LRRC7: variants seen among roughly 807,000 people sequenced by gnomAD.
LRRC7 encodes the protein leucine rich repeat containing 7, also known as leucine-rich repeat-containing protein 7.
Under a neutral mutation model 175.7 loss-of-function variants are expected in LRRC7, and 23 were observed. The observed-to-expected ratio is 0.13, with a 90% CI of 0.09 to 0.19. LRRC7 has a LOEUF of 0.19. Among genes scored for constraint, LRRC7 ranks in the 10% least tolerant of loss-of-function variants. LRRC7 has a pLI of 1.00. For missense variants in LRRC7, 1,354 were observed against 1,904.7 expected, an observed-to-expected ratio of 0.71 and a Z score of 5.38; for synonymous variants, 685 against 680.9, an observed-to-expected ratio of 1.01 and a Z score of -0.09.
At chr1:69,610,778 C>T (rs1435092689) in intron 1 of LRRC7, among the ~76,000 whole-genome samples, 7 of 151,716 alleles carry the variant, frequency 4.6e-5, no homozygotes, top group Non-Finnish European at 1.0e-4. Context: ...AAATATTTCA[C>T]AAACATAAGA....
chr1:69,731,350 C>T (rs1438004782), intron 2 of LRRC7, among the ~76,000 whole-genome samples: 1 of 152,032 alleles, frequency 6.6e-6, no homozygotes, highest in East Asian at 1.9e-4. Context: ...AGAACAGCAG[C>T]ATGTGGGTAA....
rs551726376 is a variant in LRRC7 at position 69,687,520 on chromosome 1, CA to C, written c.100+9060del. Reference sequence around the variant, plus strand: ...GCAAGACTCCATCTCAAGAAAAAACCAAAAAAAAAAAAAAAAAAGAAAAAAG... The same window carrying C: ...GCAAGACTCCATCTCAAGAAAAAACCAAAAAAAAAAAAAAAAAGAAAAAAG... On this transcript the variant is annotated intron_variant, in intron 2 of 26. Coordinates refer to ENST00000651989, the MANE Select transcript of LRRC7 (RefSeq NM_001370785.2). 2.1e-3 allele frequency among the ~76,000 whole-genome samples: 201 copies of C among 96,886 alleles called. 1 individual carries two copies. The highest frequency in any genetic ancestry group is 2.6e-3 in the Admixed American group (20 of 7,804). The allele number at this position is 96,886 out of a possible 152,430, so 63.6% of individuals were successfully genotyped here.
At chr1:69,891,907 T>C (rs1191287687) in intron 7 of LRRC7, among the ~76,000 whole-genome samples, 1 of 151,918 alleles carries the variant, frequency 6.6e-6, no homozygotes, top group Admixed American at 6.6e-5. Flanking sequence ...GTGTAAAAAA[T>C]GAAATACCTG....
chr1:69,852,564 C>T (rs1004700800), intron 7 of LRRC7, among the ~76,000 whole-genome samples: 6 of 152,240 alleles, frequency 3.9e-5, no homozygotes, highest in Non-Finnish European at 8.8e-5. Flanking sequence ...CTATCCTTGG[C>T]AAGAGTTCAC....
At chr1:69,903,749 A>G (rs575202619) in intron 7 of LRRC7, among the ~76,000 whole-genome samples, 2 of 152,292 alleles carry the variant, frequency 1.3e-5, no homozygotes, top group East Asian at 3.9e-4. Context: ...AACAAAATAG[A>G]TCACTAGCCA....
intron 1 of LRRC7, among the ~76,000 whole-genome samples, chr1:69,636,023 A>G (rs1298576541): frequency 6.6e-6 from 1 of 152,052 alleles, no homozygotes; most frequent in Non-Finnish European, 1.5e-5. Flanking sequence ...TAGGTAAAAT[A>G]TTAAATTGAA....
intron 11 of LRRC7, among the ~76,000 whole-genome samples, chr1:70,011,379 C>T (rs1295263203): frequency 1.3e-5 from 2 of 151,720 alleles, no homozygotes; most frequent in Admixed American, 6.6e-5. Context: ...AAATACCTAA[C>T]ATTTTATCAA....
Position 69,691,214 on chromosome 1 carries a change from TC to T in LRRC7, c.100+12741del, listed in dbSNP as rs537376973. ...TTGGTTTATTTTTGTTTCTTGTTTCTCCCCCTCCCTTCTTACCTGAATAATT... is the reference window on the plus strand; with the variant it reads ...TTGGTTTATTTTTGTTTCTTGTTTCTCCCCTCCCTTCTTACCTGAATAATT... On this transcript the variant is annotated intron_variant, in intron 2 of 26. Coordinates refer to ENST00000651989, the MANE Select transcript of LRRC7 (RefSeq NM_001370785.2). Among the ~76,000 whole-genome samples, 37 of 152,206 alleles carry T rather than the reference TC, an allele frequency of 2.4e-4. No individual in the cohort carries two copies. In the South Asian group the frequency reaches 2.9e-3, roughly 12 times the overall value.
intron 14 of LRRC7, 40 bp downstream of exon 14, chr1:70,016,574 C>T (rs763879030): frequency 1.1e-5 from 16 of 1,451,310 alleles, no homozygotes; most frequent in African/African-American, 4.3e-5. Flanking sequence ...TTAAGATGAA[C>T]TATAATTGAA....
intron 26 of LRRC7, among the ~76,000 whole-genome samples, chr1:70,113,896 A>C (rs1169382257): frequency 6.6e-6 from 1 of 152,194 alleles, no homozygotes; most frequent in Non-Finnish European, 1.5e-5. Flanking sequence ...AGCATCAATT[A>C]ACCACTTCCA....
At chr1:69,790,420 G>T (rs1569888436) in intron 3 of LRRC7, among the ~76,000 whole-genome samples, 1 of 151,906 alleles carries the variant, frequency 6.6e-6, no homozygotes, top group African/African-American at 2.4e-5. Flanking sequence ...ATTAATTCTT[G>T]AGCTCACTTC....
At chr1:69,874,418 A>G (rs1200990609) in intron 7 of LRRC7, 2 of 152,176 alleles carry the variant, frequency 1.3e-5, no homozygotes, top group Non-Finnish European at 2.9e-5. Context: ...TGCCTAATGC[A>G]GTACAGCAAA....
intron 24 of LRRC7, among the ~76,000 whole-genome samples, chr1:70,079,538 G>A (rs1663060660): frequency 6.6e-6 from 1 of 152,156 alleles, no homozygotes; most frequent in Admixed American, 6.5e-5. Context: ...TTAAACAGTA[G>A]TCACTTATTG....
intron 1 of LRRC7, among the ~76,000 whole-genome samples, chr1:69,613,212 C>G (rs1313064841): frequency 6.6e-6 from 1 of 152,002 alleles, no homozygotes; most frequent in Non-Finnish European, 1.5e-5. Flanking sequence ...CTAGTGAGGG[C>G]CTTCCTTCCT....
At chr1:69,733,591 TG>T (rs1667807552) in intron 2 of LRRC7, among the ~76,000 whole-genome samples, 1 of 152,060 alleles carries the variant, frequency 6.6e-6, no homozygotes, top group South Asian at 2.1e-4. Context: ...ATAAAATTGT[TG>T]TAAATTGGGG....
At chr1:69,665,704 A>T (rs227119) in intron 1 of LRRC7, among the ~76,000 whole-genome samples, 19,470 of 151,766 alleles carry the variant, frequency 0.13, 1,574 homozygotes, top group South Asian at 0.18. Context: ...TTTGTTTATA[A>T]GTTCTAATAG....
intron 1 of LRRC7, among the ~76,000 whole-genome samples, chr1:69,617,077 T>A (rs1649753918): frequency 6.6e-6 from 1 of 152,112 alleles, no homozygotes; most frequent in Non-Finnish European, 1.5e-5. Flanking sequence ...TATCCCAAGC[T>A]GCATGTCAAA....
chr1:69,894,591 A>G (rs938971238), intron 7 of LRRC7, among the ~76,000 whole-genome samples: 4 of 152,230 alleles, frequency 2.6e-5, no homozygotes, highest in Non-Finnish European at 4.4e-5. Context: ...AAAGCAACCT[A>G]AATGTCTATG....
At chr1:69,671,857 G>T (rs1294116022) in intron 1 of LRRC7, among the ~76,000 whole-genome samples, 1 of 152,114 alleles carries the variant, frequency 6.6e-6, no homozygotes, top group Non-Finnish European at 1.5e-5. Flanking sequence ...GATTCTCCAT[G>T]CCATGTGGCC....
Sources: gnomAD v4.1 joint callset for allele counts (sites outside exome capture counted in the v4.1 genomes callset) on GRCh38, gnomAD v4.1.1 for gene constraint, MANE v1.5 for transcripts, NCBI Gene and HGNC (gene_info 2026-07-23, HGNC 2026-07-21) for gene names.